Variants in KHDC1 observed in about 807,000 individuals in gnomAD.
KHDC1 encodes KH homology domain-containing protein 1.
KHDC1 carries 21 observed loss-of-function variants against 24.7 expected under a neutral mutation model. The ratio of observed to expected loss-of-function variants is 0.85; its 90% CI spans 0.60 to 1.23. The LOEUF is 1.23. Among genes scored for constraint, KHDC1 ranks in the 50% most tolerant of loss-of-function variants. KHDC1 has a pLI of 0.00. For synonymous variants in KHDC1, 98 were observed against 111.7 expected (o/e 0.88, Z 0.77); for missense variants, 274 against 298.5 (o/e 0.92, Z 0.61).
chr6:73,293,921 G>A (rs181562328), intron 1 of KHDC1, among the ~76,000 whole-genome samples: 6 of 149,756 alleles, frequency 4.0e-5, no homozygotes, highest in East Asian at 3.9e-4. Context: ...CAGGAGAATC[G>A]CATGAACCCA....
chr6:73,286,652 C>T (rs1767529051), intron 2 of KHDC1, among the ~76,000 whole-genome samples: 1 of 152,106 alleles, frequency 6.6e-6, no homozygotes, highest in Non-Finnish European at 1.5e-5. Flanking sequence ...GAGGCTGAGG[C>T]AGGAGGATCA....
chr6:73,262,999 T>G lies in KHDC1; in HGVS notation c.207-20469A>C. On this transcript the variant is annotated intron_variant, in intron 2 of 4. Coordinates refer to ENST00000370384, the Ensembl canonical transcript of KHDC1. ...GCTTTGACGGTAGGAATGAAGGAGG[T>G]GAGGGTGGCGCGCCGCAGGCCTGGG... is the stretch of plus-strand genomic sequence containing the variant. The G allele has an allele frequency of 3.0e-6, 3 of 1,013,388 alleles. No homozygotes were observed. The South Asian group carries it at 1.2e-4, about 40-fold the overall frequency. The allele number at this position is 1,013,388 out of a possible 1,614,324, so 62.8% of individuals were successfully genotyped here.
chr6:73,260,424 TGA>T (rs1453816964), intron 2 of KHDC1, among the ~76,000 whole-genome samples: 21 of 152,204 alleles, frequency 1.4e-4, no homozygotes, highest in Non-Finnish European at 2.2e-4. Context: ...GTTTAGAGAA[TGA>T]GTAAACTATT....
chr6:73,306,963 T>A (rs2150757833), intron 1 of KHDC1, among the ~76,000 whole-genome samples: 1 of 152,210 alleles, frequency 6.6e-6, no homozygotes, highest in East Asian at 1.9e-4. Flanking sequence ...GAGTTGAGAT[T>A]GTGCCACTGC....
At position 73,273,812 on chromosome 6, in the gene KHDC1, C is replaced by G. The variant is rs1767226339; in HGVS notation, c.206+18186G>C. Among the ~76,000 whole-genome samples the G allele has an allele frequency of 2.0e-5, 3 of 151,652 alleles. No homozygotes were observed. The South Asian group carries it at 6.3e-4, about 32-fold the overall frequency. ...CCAGACTGGGCAACAGGGTAATACT[C>G]TGTCTTAGAAAAAATAAAAAAATAA... On this transcript the variant is annotated intron_variant, in intron 2 of 4. Transcript: ENST00000370384.
At chr6:73,282,598 T>C (rs1767434989) in intron 2 of KHDC1, among the ~76,000 whole-genome samples, 2 of 152,178 alleles carry the variant, frequency 1.3e-5, no homozygotes, top group Non-Finnish European at 2.9e-5. Context: ...TTAGGAGTCA[T>C]GCAGCTGGAG....
chr6:73,252,378 T>G (rs1166480866), intron 2 of KHDC1, among the ~76,000 whole-genome samples: 1 of 152,128 alleles, frequency 6.6e-6, no homozygotes, highest in Non-Finnish European at 1.5e-5. Flanking sequence ...TCATTGAAAA[T>G]TTTTTTATAG....
intron 2 of KHDC1, among the ~76,000 whole-genome samples, chr6:73,248,606 A>C (rs771809606): frequency 2.0e-5 from 3 of 152,222 alleles, no homozygotes; most frequent in African/African-American, 4.8e-5. Context: ...AATTAAACAG[A>C]AAAGAGGGAG....
At chr6:73,291,774 G>A (rs192085649) in intron 2 of KHDC1, among the ~76,000 whole-genome samples, 214 of 151,644 alleles carry the variant, frequency 1.4e-3, no homozygotes, top group Non-Finnish European at 2.5e-3. Flanking sequence ...GGATGGGAGG[G>A]GGGTGAGGGT....
At chr6:73,263,997 G>T (rs1454127656) in intron 2 of KHDC1, among the ~76,000 whole-genome samples, 1 of 152,148 alleles carries the variant, frequency 6.6e-6, no homozygotes, top group Admixed American at 6.5e-5. Flanking sequence ...CCAGGAGTTC[G>T]AAACCAGCTG....
intron 2 of KHDC1, chr6:73,267,971 G>C (rs998600934): frequency 6.6e-6 from 1 of 152,316 alleles, no homozygotes; most frequent in African/African-American, 2.4e-5. Context: ...CGAGTAGCTG[G>C]GATTACAGGC....
intron 1 of KHDC1, among the ~76,000 whole-genome samples, chr6:73,303,502 C>T (rs1165179108): frequency 6.6e-6 from 1 of 152,124 alleles, no homozygotes; most frequent in East Asian, 1.9e-4. Context: ...AATGGAAGAA[C>T]CACAAGTTTT....
At position 73,241,533 on chromosome 6, in the gene KHDC1, G is replaced by C. The variant is rs538554497; in HGVS notation, c.710C>G (p.Pro237Arg). ...CCAGGGGAGATCAGTCCTTAATTAC[G>C]GATACAGTGAACTCAAATGGAAACC... Residue 237 changes from proline (P) to arginine (R), a missense_variant, in exon 5 of 5, where the codon CCG becomes CGG. Transcript: ENST00000370384. 1.2e-5 allele frequency: 20 copies of C among 1,613,642 alleles called. No individual in the cohort carries two copies. The East Asian group carries it at 4.0e-4, about 32-fold the overall frequency.
chr6:73,309,169 G>A (rs116977931), intron 1 of KHDC1, among the ~76,000 whole-genome samples: 2 of 152,350 alleles, frequency 1.3e-5, no homozygotes, highest in East Asian at 1.9e-4. Context: ...TGCTGATCGC[G>A]GGACTCCGCT....
intron 2 of KHDC1, among the ~76,000 whole-genome samples, chr6:73,272,783 A>G (rs35664677): frequency 0.27 from 39,986 of 146,594 alleles, 5,917 homozygotes; most frequent in African/African-American, 0.41. Context: ...CCCGGGGGGG[A>G]AAAGAAAAAA....
At position 73,304,298 on chromosome 6, in the gene KHDC1, CAAAATT is replaced by C. The variant is rs750854007; in HGVS notation, c.163+5248_163+5253del. ...AAATTCTTTTGAAAGTCTAAAATCT[CAAAATT>C]AAAAATGAAAAAAGTAAAGGTACAA... On this transcript the variant is annotated intron_variant, in intron 1 of 4. Coordinates refer to ENST00000370384, the Ensembl canonical transcript of KHDC1. Among the ~76,000 whole-genome samples the C allele has an allele frequency of 7.2e-5, 11 of 151,766 alleles. No individual in the cohort carries two copies. The South Asian group carries it at 2.3e-3, about 32-fold the overall frequency.
At position 73,290,743 on chromosome 6, in the gene KHDC1, C is replaced by T. The variant is rs45528136; in HGVS notation, c.206+1255G>A. The T allele has an allele frequency of 1.2e-3, 448 of 359,510 alleles. 2 individuals carry two copies. The highest frequency in any genetic ancestry group is 2.2e-3 in the Non-Finnish European group (404 of 183,990). The allele number at this position is 359,510 out of a possible 1,614,324, so 22.3% of individuals were successfully genotyped here. On this transcript the variant is annotated intron_variant, in intron 2 of 4. Transcript: ENST00000370384. ...TTCTGGAACCTTTGCTAACCAGATCCAATCATCTTCTGCCACCCACATCTT... is the reference window on the plus strand; with the variant it reads ...TTCTGGAACCTTTGCTAACCAGATCTAATCATCTTCTGCCACCCACATCTT...
At chr6:73,279,098 G>A (rs1326405938) in intron 2 of KHDC1, among the ~76,000 whole-genome samples, 1 of 152,200 alleles carries the variant, frequency 6.6e-6, no homozygotes, top group South Asian at 2.1e-4. Context: ...ATTAATGCAT[G>A]TGGTATTAAT....
chr6:73,242,180 A>G (rs775691188), exon 4 of KHDC1: 3 of 1,614,158 alleles, frequency 1.9e-6, no homozygotes, highest in Non-Finnish European at 2.5e-6. Flanking sequence ...CCAACTCTCC[A>G]GCTGAATAAG....
Sources: gnomAD v4.1 joint callset for allele counts (sites outside exome capture counted in the v4.1 genomes callset) on GRCh38, gnomAD v4.1.1 for gene constraint, MANE v1.5 for transcripts, NCBI Gene and HGNC (gene_info 2026-07-23, HGNC 2026-07-21) for gene names.